NPAS3: variants seen among roughly 807,000 people sequenced by gnomAD.
NPAS3 encodes neuronal PAS domain protein 3.
NPAS3 carries 14 observed loss-of-function variants against 73.1 expected under a neutral mutation model. The observed-to-expected ratio is 0.19, with a 90% CI of 0.13 to 0.30. The LOEUF is 0.30. Ranked by LOEUF, NPAS3 falls within the 10% of genes least tolerant of loss-of-function variation. NPAS3 has a pLI of 1.00. For synonymous variants in NPAS3, 620 were observed against 541.5 expected, an observed-to-expected ratio of 1.14 and a Z score of -2.01; for missense variants, 1,096 against 1,250.0, an observed-to-expected ratio of 0.88 and a Z score of 1.86.
rs1461950095 is a variant in NPAS3 at position 33,148,921 on chromosome 14, A to G, written c.141-66261A>G. On this transcript the variant is annotated intron_variant, in intron 2 of 11. Coordinates refer to ENST00000356141, the Ensembl canonical transcript of NPAS3. ...AGGCTGGTCTCAAACTCCTGGGCTC[A>G]AGGGATCCTCTCACCTTGGCCTCCC... Among the ~76,000 whole-genome samples, 9 of 152,082 alleles carry G rather than the reference A, an allele frequency of 5.9e-5. No individual in the cohort carries two copies. In the East Asian group the frequency reaches 1.4e-3, roughly 23 times the overall value.
intron 5 of NPAS3, among the ~76,000 whole-genome samples, chr14:33,625,882 T>G (rs2058205900): frequency 1.3e-5 from 2 of 152,242 alleles, no homozygotes; most frequent in Non-Finnish European, 2.9e-5. Context: ...TGGAATCATT[T>G]ATAAAAGTAA....
chr14:33,366,262 A>G (rs1471925650), intron 3 of NPAS3, among the ~76,000 whole-genome samples: 1 of 152,040 alleles, frequency 6.6e-6, no homozygotes, highest in Non-Finnish European at 1.5e-5. Flanking sequence ...TACTCCATTA[A>G]ATTTTTTTAA....
At chr14:33,064,998 G>A (rs1249045884) in intron 2 of NPAS3, among the ~76,000 whole-genome samples, 1 of 152,180 alleles carries the variant, frequency 6.6e-6, no homozygotes, top group African/African-American at 2.4e-5. Context: ...CTGTTCCACA[G>A]AGATTTCCTT....
chr14:33,302,039 G>T (rs1263851074), intron 3 of NPAS3, among the ~76,000 whole-genome samples: 1 of 152,132 alleles, frequency 6.6e-6, no homozygotes, highest in African/African-American at 2.4e-5. Context: ...GCTTATGTCT[G>T]TTTTATTCAC....
chr14:32,973,533 AT>A (rs71432099), intron 1 of NPAS3, among the ~76,000 whole-genome samples: 7,522 of 128,880 alleles, frequency 0.058, 184 homozygotes, highest in Middle Eastern at 0.096. Context: ...GTATATTTTG[AT>A]TTTTTTTTTT....
chr14:33,111,842 C>T (rs111774307), intron 2 of NPAS3, among the ~76,000 whole-genome samples: 5,873 of 149,626 alleles, frequency 0.039, 138 homozygotes, highest in Non-Finnish European at 0.062. Flanking sequence ...CAACAGGCCC[C>T]GGTGTGTGAT....
At chr14:33,698,914 A>C (rs1227087922) in intron 6 of NPAS3, among the ~76,000 whole-genome samples, 1 of 152,226 alleles carries the variant, frequency 6.6e-6, no homozygotes, top group Non-Finnish European at 1.5e-5. Context: ...TATGGAACCC[A>C]GTTTTCAAGC....
chr14:32,984,541 C>CT (rs940028871), intron 1 of NPAS3, among the ~76,000 whole-genome samples: 43 of 152,200 alleles, frequency 2.8e-4, no homozygotes, highest in African/African-American at 9.1e-4. Flanking sequence ...CTCTATAAGC[C>CT]TTTCTTGTGC....
chr14:33,412,415 T>C (rs551517176), intron 4 of NPAS3, among the ~76,000 whole-genome samples: 252 of 152,308 alleles, frequency 1.7e-3, no homozygotes, highest in Non-Finnish European at 2.8e-3. Context: ...CCACTACACC[T>C]GGCCGGATTT....
intron 4 of NPAS3, among the ~76,000 whole-genome samples, chr14:33,405,769 T>C (rs2047637911): frequency 6.6e-6 from 1 of 152,150 alleles, no homozygotes; most frequent in Non-Finnish European, 1.5e-5. Flanking sequence ...TTAAAAGCTA[T>C]TTGCCCACAC....
intron 1 of NPAS3, among the ~76,000 whole-genome samples, chr14:33,002,695 T>C (rs1161973962): frequency 6.6e-6 from 1 of 152,220 alleles, no homozygotes; most frequent in Non-Finnish European, 1.5e-5. Flanking sequence ...CCACAAATTC[T>C]GATAAATGTA....
chr14:33,019,629 T>G (rs960258825), intron 1 of NPAS3, among the ~76,000 whole-genome samples: 1 of 152,230 alleles, frequency 6.6e-6, no homozygotes, highest in East Asian at 1.9e-4. Context: ...TGTGCATCAT[T>G]GGAACTAGGT....
intron 1 of NPAS3, among the ~76,000 whole-genome samples, chr14:32,980,657 C>A (rs2037858944): frequency 6.6e-6 from 1 of 152,116 alleles, no homozygotes; most frequent in Admixed American, 6.6e-5. Flanking sequence ...CATGGAGTAG[C>A]ATCAAGGACC....
At chr14:33,153,226 TC>T (rs2044522463) in intron 2 of NPAS3, among the ~76,000 whole-genome samples, 1 of 152,130 alleles carries the variant, frequency 6.6e-6, no homozygotes, top group African/African-American at 2.4e-5. Flanking sequence ...ACTTTTTTTT[TC>T]ATCTGAGTCG....
intron 3 of NPAS3, among the ~76,000 whole-genome samples, chr14:33,345,342 AT>A (rs2044677068): frequency 6.6e-6 from 1 of 152,230 alleles, no homozygotes; most frequent in Non-Finnish European, 1.5e-5. Flanking sequence ...TCAAATTGCC[AT>A]TTGTGCTGAT....
intron 1 of NPAS3, among the ~76,000 whole-genome samples, chr14:32,950,008 A>G (rs1490647883): frequency 6.6e-6 from 1 of 152,052 alleles, no homozygotes; most frequent in Non-Finnish European, 1.5e-5. Context: ...ACATAAAGAA[A>G]TAGTAAAATA....
intron 5 of NPAS3, among the ~76,000 whole-genome samples, chr14:33,594,644 G>T (rs1280922051): frequency 1.3e-5 from 2 of 152,252 alleles, no homozygotes; most frequent in East Asian, 3.9e-4. Context: ...AAGCACTGAT[G>T]CTCTTTAGTT....
chr14:33,682,744 T>C (rs1047020648), intron 6 of NPAS3, among the ~76,000 whole-genome samples: 5 of 152,358 alleles, frequency 3.3e-5, no homozygotes, highest in African/African-American at 1.2e-4. Context: ...TTAATTTGTG[T>C]GTGTTCACAC....
intron 2 of NPAS3, among the ~76,000 whole-genome samples, chr14:33,136,964 G>A (rs956719277): frequency 3.3e-5 from 5 of 152,026 alleles, no homozygotes; most frequent in Admixed American, 2.6e-4. Flanking sequence ...TTTCTTCGTG[G>A]CCATTGATTA....
Sources: allele counts gnomAD v4.1 joint callset (sites outside exome capture counted in the v4.1 genomes callset), GRCh38; gene constraint gnomAD v4.1.1; transcripts MANE v1.5; gene names NCBI Gene and HGNC (gene_info 2026-07-23, HGNC 2026-07-21).